Variants in STARD3NL observed in about 807,000 individuals in gnomAD.
The protein encoded by STARD3NL is STARD3 N-terminal-like protein.
In STARD3NL, 17 loss-of-function variants were observed where a neutral mutation model predicts 30.9. The observed-to-expected ratio is 0.55, with a 90% CI of 0.38 to 0.82. STARD3NL has a LOEUF of 0.82. STARD3NL is among the 40% of genes least tolerant of loss of function. The probability of loss-of-function intolerance (pLI) is 0.00; values close to 1 mark genes in which losing one functional copy is unlikely to be tolerated. For synonymous variants in STARD3NL, 112 were observed against 100.5 expected, an observed-to-expected ratio of 1.11 and a Z score of -0.69; for missense variants, 234 against 277.6, an observed-to-expected ratio of 0.84 and a Z score of 1.12.
At chr7:38,187,973 C>G (rs778572216) in intron 1 of STARD3NL, among the ~76,000 whole-genome samples, 3 of 152,170 alleles carry the variant, frequency 2.0e-5, no homozygotes, top group Non-Finnish European at 4.4e-5. Context: ...TACTTGGAAC[C>G]AATCTATTCT....
intron 6 of STARD3NL, among the ~76,000 whole-genome samples, chr7:38,217,739 A>T (rs1383379916): frequency 6.6e-6 from 1 of 152,250 alleles, no homozygotes; most frequent in Non-Finnish European, 1.5e-5. Flanking sequence ...TATTCTAAAT[A>T]CAAGCCAGTG....
chr7:38,217,707 A>G (rs927832298), intron 6 of STARD3NL, among the ~76,000 whole-genome samples: 1 of 152,228 alleles, frequency 6.6e-6, no homozygotes, highest in Non-Finnish European at 1.5e-5. Context: ...AATAAAACCA[A>G]TTTTAAGTGA....
intron 1 of STARD3NL, among the ~76,000 whole-genome samples, chr7:38,179,920 G>T (rs1287779671): frequency 3.9e-5 from 6 of 152,230 alleles, no homozygotes; most frequent in Non-Finnish European, 2.9e-5. Context: ...GCTAAAGGAA[G>T]AATGAACTTG....
chr7:38,222,241 C>T (rs1786513243), intron 7 of STARD3NL, among the ~76,000 whole-genome samples: 1 of 151,444 alleles, frequency 6.6e-6, no homozygotes. Flanking sequence ...AGATTACAGC[C>T]ATGTGAAATA....
At chr7:38,215,675 A>C (rs1786065272) in intron 4 of STARD3NL, 1 of 152,434 alleles carries the variant, frequency 6.6e-6, no homozygotes, top group African/African-American at 2.4e-5. Context: ...AGATTGATAG[A>C]ATTACTAGCA....
intron 1 of STARD3NL, among the ~76,000 whole-genome samples, chr7:38,200,990 T>A (rs1037668046): frequency 1.3e-5 from 2 of 152,250 alleles, no homozygotes; most frequent in Non-Finnish European, 2.9e-5. Flanking sequence ...TGTTTTTAAG[T>A]AAAAGTTTCA....
chr7:38,207,489 G>A lies in STARD3NL; in HGVS notation c.-16G>A. Reference sequence around the variant, plus strand: ...ATGGTGAGGTTGGAAAAAGGCTCCTGTAACCCTCCTCCAGGATGAACCACC... The same window carrying A: ...ATGGTGAGGTTGGAAAAAGGCTCCTATAACCCTCCTCCAGGATGAACCACC... On this transcript the variant is annotated 5_prime_UTR_variant, in exon 2 of 9. Coordinates refer to ENST00000009041, the MANE Select transcript of STARD3NL (RefSeq NM_032016.4). 1.2e-6 allele frequency: 2 copies of A among 1,612,904 alleles called. No individual in the cohort carries two copies. Among genetic ancestry groups the A allele is most frequent in the South Asian group, 1.1e-5 (1 of 90,990 alleles).
chr7:38,192,458 A>G (rs1027480392), intron 1 of STARD3NL, among the ~76,000 whole-genome samples: 11 of 152,174 alleles, frequency 7.2e-5, no homozygotes, highest in African/African-American at 1.7e-4. Context: ...AGGCTTATCA[A>G]GTGGGTCAGA....
chr7:38,194,452 C>A (rs1784821166), intron 1 of STARD3NL, among the ~76,000 whole-genome samples: 1 of 151,822 alleles, frequency 6.6e-6, no homozygotes, highest in Non-Finnish European at 1.5e-5. Flanking sequence ...TTTTTCTTTT[C>A]TATCCTTTTC....
chr7:38,224,598 A>C (rs145006879), intron 7 of STARD3NL, among the ~76,000 whole-genome samples: 7 of 151,250 alleles, frequency 4.6e-5, no homozygotes, highest in African/African-American at 1.5e-4. Flanking sequence ...CAGAACGTGA[A>C]TCATCCCTCT....
At chr7:38,198,756 A>G (rs1406428747) in intron 1 of STARD3NL, among the ~76,000 whole-genome samples, 1 of 152,162 alleles carries the variant, frequency 6.6e-6, no homozygotes, top group Non-Finnish European at 1.5e-5. Context: ...GGGCTCCTGT[A>G]AAATGCAAGT....
At chr7:38,212,526 C>T (rs947100651) in intron 2 of STARD3NL, among the ~76,000 whole-genome samples, 3 of 152,112 alleles carry the variant, frequency 2.0e-5, no homozygotes, top group African/African-American at 4.8e-5. Flanking sequence ...TCCATGAAGA[C>T]ATATTATTTT....
intron 6 of STARD3NL, among the ~76,000 whole-genome samples, chr7:38,218,217 C>T (rs1213172476): frequency 6.6e-6 from 1 of 151,698 alleles, no homozygotes; most frequent in Non-Finnish European, 1.5e-5. Context: ...TTTGCCCTGC[C>T]TCATAGGAAA....
chr7:38,216,801 AAACCACAC>A, intron 4 of STARD3NL: 1 of 541,546 alleles, frequency 1.8e-6, no homozygotes, highest in South Asian at 2.8e-5. Context: ...GTGGGAGAAT[AAACCACAC>A]ACAGTCATTT....
intron 6 of STARD3NL, among the ~76,000 whole-genome samples, chr7:38,219,228 A>G (rs1421398397): frequency 6.6e-6 from 1 of 151,954 alleles, no homozygotes; most frequent in Non-Finnish European, 1.5e-5. Context: ...TAAATTTTTT[A>G]TAGAGACAGG....
chr7:38,228,725 C>G, intron 7 of STARD3NL, 74 bp from the exon 8 acceptor site: 1 of 1,257,928 alleles, frequency 7.9e-7, no homozygotes, highest in East Asian at 2.5e-5. Context: ...TAATTTTAAA[C>G]CTATTTATTT....
At chr7:38,193,681 C>T (rs948807610) in intron 1 of STARD3NL, among the ~76,000 whole-genome samples, 5 of 152,100 alleles carry the variant, frequency 3.3e-5, no homozygotes, top group African/African-American at 9.7e-5. Flanking sequence ...CTTGTGGGAG[C>T]GGTTGTGAGG....
intron 4 of STARD3NL, chr7:38,215,339 G>T (rs1248578697): frequency 1.6e-5 from 8 of 503,780 alleles, no homozygotes; most frequent in African/African-American, 1.6e-4. Context: ...GAATCTAGAA[G>T]CCCAACAGTG....
rs1480764735 is a variant in STARD3NL at position 38,230,305 on chromosome 7, T to G, written c.*400T>G. ...ATTTTTTTGTTTCATGTCTCAGATT[T>G]ATTTTGTATTTCTTTTTTAACACTC... On this transcript the variant is annotated 3_prime_UTR_variant, in exon 9 of 9. Transcript: ENST00000009041. 6.5e-6 allele frequency: 1 copy of G among 152,700 alleles called. No individual in the cohort carries two copies. Among genetic ancestry groups the G allele is most frequent in the Non-Finnish European group, 1.5e-5 (1 of 68,044 alleles). 9.5% of individuals were successfully genotyped at this position (152,700 alleles called of 1,614,324 possible).
Sources: allele counts gnomAD v4.1 joint callset (sites outside exome capture counted in the v4.1 genomes callset), GRCh38; gene constraint gnomAD v4.1.1; transcripts MANE v1.5; gene names NCBI Gene and HGNC (gene_info 2026-07-23, HGNC 2026-07-21).